ESR1: variants seen among roughly 807,000 people sequenced by gnomAD.
The protein encoded by ESR1 is estrogen receptor 1.
A neutral mutation model predicts 52.7 loss-of-function variants in ESR1; 12 were observed. That is an observed-to-expected ratio of 0.23 (90% confidence interval 0.15 to 0.37). The LOEUF is 0.37. Among genes scored for constraint, ESR1 ranks in the 10% least tolerant of loss-of-function variants. The pLI, the probability that ESR1 is intolerant of heterozygous loss-of-function variation, is 1.00. For synonymous variants in ESR1, 305 were observed against 316.8 expected (o/e 0.96, Z 0.39); for missense variants, 584 against 779.7 (o/e 0.75, Z 2.99).
chr6:151,672,261 G>A lies in ESR1; in HGVS notation n.73+15498G>A, dbSNP rs114790358. Among the ~76,000 whole-genome samples, 610 of 151,880 alleles carry A rather than the reference G, an allele frequency of 4.0e-3. 3 individuals are homozygous for A. Among genetic ancestry groups the A allele is most frequent in the African/African-American group, 0.013 (546 of 41,428 alleles). The stretch of plus-strand genomic sequence containing the variant: ...CCACATTGTACCCAAAAATATATGC[G>A]GTTTTTATTTGTCAATTAAAAAAAA... On this transcript the variant is annotated intron_variant and non_coding_transcript_variant, in intron 1 of 2. Coordinates refer to the ESR1 transcript ENST00000473497.
chr6:152,103,825 CCCTT>C (rs937479533), downstream of ESR1, among the ~76,000 whole-genome samples: 8 of 152,114 alleles, frequency 5.3e-5, no homozygotes, highest in Admixed American at 5.2e-4. Context: ...TTTCAGGACT[CCCTT>C]CCCTTTTTGG....
At chr6:152,041,349 T>C (rs1319526569) in intron 5 of ESR1, among the ~76,000 whole-genome samples, 3 of 152,178 alleles carry the variant, frequency 2.0e-5, no homozygotes, top group Non-Finnish European at 2.9e-5. Context: ...ACTGGAAGCC[T>C]TTCAGGTCAC....
chr6:151,733,476 G>A (rs776164486), intron 2 of ESR1, among the ~76,000 whole-genome samples: 2 of 152,104 alleles, frequency 1.3e-5, no homozygotes, highest in African/African-American at 2.4e-5. Flanking sequence ...CATTGTCATC[G>A]TCATTCTTAT....
chr6:152,046,659 G>C (rs1406259053), intron 5 of ESR1, among the ~76,000 whole-genome samples: 1 of 152,196 alleles, frequency 6.6e-6, no homozygotes, highest in Admixed American at 6.5e-5. Context: ...TTGCCAATGA[G>C]TTGTAATCTT....
At position 151,920,400 on chromosome 6, in the gene ESR1, A is replaced by C. The variant is rs181079872; in HGVS notation, c.761-23773A>C. ...GAGAGTTCTCATATATGCCTCACCC[A>C]GTTTCCTCTATTATCGACATCTTAC... On this transcript the variant is annotated intron_variant, in intron 3 of 7. Transcript: ENST00000206249. Among the ~76,000 whole-genome samples, 1,108 of 152,074 alleles carry C rather than the reference A, an allele frequency of 7.3e-3. 20 individuals are homozygous for C. The highest frequency in any genetic ancestry group is 0.021 in the African/African-American group (878 of 41,482).
intron 3 of ESR1, among the ~76,000 whole-genome samples, chr6:151,888,848 T>C (rs540814868): frequency 2.0e-5 from 3 of 152,268 alleles, no homozygotes; most frequent in Non-Finnish European, 4.4e-5. Context: ...ACTCTTTCTA[T>C]ATTTAATTTG....
chr6:151,904,756 A>G (rs1363313781), intron 3 of ESR1, among the ~76,000 whole-genome samples: 2 of 152,172 alleles, frequency 1.3e-5, no homozygotes, highest in South Asian at 4.1e-4. Context: ...CCATTTATTC[A>G]GTTAAGTCCT....
intron 6 of ESR1, among the ~76,000 whole-genome samples, chr6:152,110,248 A>G (rs1341673666): frequency 6.6e-6 from 1 of 152,212 alleles, no homozygotes; most frequent in Non-Finnish European, 1.5e-5. Flanking sequence ...AATTTTACTC[A>G]AGGACTAGAG....
At chr6:151,884,763 GC>G (rs1428594382) in intron 3 of ESR1, among the ~76,000 whole-genome samples, 1 of 152,140 alleles carries the variant, frequency 6.6e-6, no homozygotes, top group African/African-American at 2.4e-5. Flanking sequence ...TAGTACATGT[GC>G]TGGTTTCTCT....
At chr6:151,720,890 C>A (rs1781407043) in intron 2 of ESR1, among the ~76,000 whole-genome samples, 1 of 152,112 alleles carries the variant, frequency 6.6e-6, no homozygotes, top group African/African-American at 2.4e-5. Context: ...TTTTGAATTT[C>A]ATGTTACTTT....
At chr6:151,965,159 C>G (rs991439401) in intron 4 of ESR1, among the ~76,000 whole-genome samples, 2 of 152,010 alleles carry the variant, frequency 1.3e-5, no homozygotes, top group Admixed American at 1.3e-4. Context: ...TACCCAGTTG[C>G]GATCATGTAT....
chr6:152,101,646 A>T lies in ESR1; in HGVS notation c.*2680A>T, dbSNP rs1259243657. On this transcript the variant is annotated 3_prime_UTR_variant, in exon 8 of 8. Transcript: ENST00000206249. ...TGTTGGTATTGGGTGTAGGAACATGATTTAAAAAAAAACTCTTGCCTCTGC... is the reference window on the plus strand; with the variant it reads ...TGTTGGTATTGGGTGTAGGAACATGTTTTAAAAAAAAACTCTTGCCTCTGC... 3 of 230,950 alleles carry T rather than the reference A, an allele frequency of 1.3e-5. No individual in the cohort carries two copies. The highest frequency in any genetic ancestry group is 2.6e-5 in the Non-Finnish European group (3 of 116,834). The allele number at this position is 230,950 out of a possible 1,614,324, so 14.3% of individuals were successfully genotyped here.
At position 151,685,185 on chromosome 6, in the gene ESR1, C is replaced by G. The variant is rs1778614785; in HGVS notation, n.74-16690C>G. On this transcript the variant is annotated intron_variant and non_coding_transcript_variant, in intron 1 of 2. Transcript: ENST00000473497. ...TCTGTCGCCCAGGCCGGACTGCGGA[C>G]TGCAGTGGCGCAATCTCGGCTCACT... is the stretch of plus-strand genomic sequence containing the variant. Among the ~76,000 whole-genome samples, 5 of 125,982 alleles carry G rather than the reference C, an allele frequency of 4.0e-5. No homozygotes were observed. The South Asian group carries it at 1.3e-3, about 34-fold the overall frequency. The allele number at this position is 125,982 out of a possible 152,430, so 82.6% of individuals were successfully genotyped here.
At chr6:152,125,438 A>T in exon 7 of ESR1, 1 of 1,438,666 alleles carries the variant, frequency 7.0e-7, no homozygotes, top group Non-Finnish European at 9.3e-7. Context: ...CAGTTACATG[A>T]CCATGGGCAA....
At chr6:151,862,128 C>T (rs1788997804) in intron 2 of ESR1, among the ~76,000 whole-genome samples, 1 of 152,146 alleles carries the variant, frequency 6.6e-6, no homozygotes, top group African/African-American at 2.4e-5. Context: ...AATGCATCAT[C>T]TCATTTAATC....
chr6:151,883,143 G>A (rs1318894281), intron 3 of ESR1, among the ~76,000 whole-genome samples: 1 of 151,186 alleles, frequency 6.6e-6, no homozygotes, highest in Non-Finnish European at 1.5e-5. Context: ...TTTGAGAGAT[G>A]GAGTCTTGCT....
intron 5 of ESR1, among the ~76,000 whole-genome samples, chr6:152,036,949 A>G (rs972699171): frequency 6.6e-6 from 1 of 152,196 alleles, no homozygotes; most frequent in Non-Finnish European, 1.5e-5. Flanking sequence ...TTGGGAATAC[A>G]CTGGGTGGGG....
intron 3 of ESR1, among the ~76,000 whole-genome samples, chr6:151,932,151 GGT>G (rs1244982861): frequency 6.6e-6 from 1 of 151,306 alleles, no homozygotes; most frequent in Admixed American, 6.6e-5. Context: ...CATTCTAACT[GGT>G]GTGAGATGGT....
At chr6:152,125,233 G>C in intron 6 of ESR1, 2 of 1,547,608 alleles carry the variant, frequency 1.3e-6, no homozygotes, top group Non-Finnish European at 1.7e-6. Context: ...AGGAATAATG[G>C]TAATGGTAAT....
Sources: allele counts gnomAD v4.1 joint callset (sites outside exome capture counted in the v4.1 genomes callset), GRCh38; gene constraint gnomAD v4.1.1; transcripts MANE v1.5; gene names NCBI Gene and HGNC (gene_info 2026-07-23, HGNC 2026-07-21).